Variants in GRM3 observed in about 807,000 individuals in gnomAD.
GRM3 encodes the protein glutamate metabotropic receptor 3, also known as metabotropic glutamate receptor 3.
GRM3 carries 26 observed loss-of-function variants against 70.5 expected under a neutral mutation model. The ratio of observed to expected loss-of-function variants is 0.37; its 90% CI spans 0.27 to 0.51. GRM3 has a LOEUF of 0.51. Among genes scored for constraint, GRM3 ranks in the 20% least tolerant of loss-of-function variants. GRM3 has a pLI of 0.93. For missense variants in GRM3, 859 were observed against 1,123.8 expected (o/e 0.76, Z 3.37); for synonymous variants, 443 against 434.9 (o/e 1.02, Z -0.23).
intron 3 of GRM3, among the ~76,000 whole-genome samples, chr7:86,835,959 C>G (rs997309954): frequency 6.6e-6 from 1 of 151,638 alleles, no homozygotes; most frequent in Non-Finnish European, 1.5e-5. Flanking sequence ...AGAAAACAAG[C>G]GAAAAATGTG....
chr7:86,752,015 A>G (rs1360648411), intron 1 of GRM3, among the ~76,000 whole-genome samples: 1 of 152,090 alleles, frequency 6.6e-6, no homozygotes, highest in Non-Finnish European at 1.5e-5. Flanking sequence ...TTAAATTTTC[A>G]TTGAAGTGTA....
intron 1 of GRM3, among the ~76,000 whole-genome samples, chr7:86,763,570 C>T (rs185755445): frequency 1.3e-5 from 2 of 152,252 alleles, no homozygotes; most frequent in Admixed American, 1.3e-4. Context: ...ACATGATCCT[C>T]ACAGCAAGGC....
chr7:86,779,967 C>G (rs909216766), intron 2 of GRM3, among the ~76,000 whole-genome samples: 1 of 152,118 alleles, frequency 6.6e-6, no homozygotes, highest in East Asian at 1.9e-4. Flanking sequence ...GGAAAAGACA[C>G]AAATACTAAT....
intron 3 of GRM3, among the ~76,000 whole-genome samples, chr7:86,800,326 A>G (rs1473847877): frequency 1.3e-5 from 2 of 152,178 alleles, no homozygotes; most frequent in Non-Finnish European, 2.9e-5. Context: ...ATTTAAAAAT[A>G]CCCTTTACAA....
chr7:86,777,846 G>A (rs989528720), intron 2 of GRM3, among the ~76,000 whole-genome samples: 2 of 152,114 alleles, frequency 1.3e-5, no homozygotes, highest in African/African-American at 4.8e-5. Flanking sequence ...CTGGGATTTT[G>A]TACAGCTAAT....
At chr7:86,754,402 G>C (rs1054744143) in intron 1 of GRM3, among the ~76,000 whole-genome samples, 2 of 152,072 alleles carry the variant, frequency 1.3e-5, no homozygotes, top group African/African-American at 4.8e-5. Context: ...TAATATATCA[G>C]ATGACTTGAT....
intron 1 of GRM3, among the ~76,000 whole-genome samples, chr7:86,685,168 G>A (rs115685150): frequency 0.013 from 2,040 of 152,252 alleles, 37 homozygotes; most frequent in African/African-American, 0.047. Flanking sequence ...ATAGAAAACA[G>A]TTAAAGATGT....
Position 86,786,520 on chromosome 7 carries a change from C to A in GRM3, c.728C>A (p.Thr243Lys). 1 of 1,614,142 alleles carries A rather than the reference C, an allele frequency of 6.2e-7. No individual in the cohort carries two copies. The highest frequency in any genetic ancestry group is 8.5e-7 in the Non-Finnish European group (1 of 1,180,056). Residue 243 changes from threonine to lysine, a missense_variant, in exon 3 of 6, where the codon ACG (threonine) becomes AAG (lysine). Physicochemically the swap from Thr to Lys is moderately conservative, Grantham distance 78 (BLOSUM62 -1). Transcript: ENST00000361669. This position sits in a 1 kb window ranked among gnomAD's most constrained non-coding sequence, Gnocchi z 6.0. The part of the protein sequence containing the change: ...EARLRNICIA[T>K]AEKVGRSNIR... ...CGCCTGCGCAACATCTGCATCGCTACGGCGGAGAAGGTGGGCCGCTCCAAC... is the reference window on the plus strand; with the variant it reads ...CGCCTGCGCAACATCTGCATCGCTAAGGCGGAGAAGGTGGGCCGCTCCAAC...
intron 1 of GRM3, among the ~76,000 whole-genome samples, chr7:86,685,303 T>A (rs906375678): frequency 4.6e-5 from 7 of 152,172 alleles, no homozygotes; most frequent in Non-Finnish European, 8.8e-5. Flanking sequence ...TTGTTTTTTT[T>A]AAAACTGCTG....
intron 1 of GRM3, among the ~76,000 whole-genome samples, chr7:86,739,563 T>C (rs1390767565): frequency 6.6e-6 from 1 of 152,202 alleles, no homozygotes; most frequent in Non-Finnish European, 1.5e-5. Context: ...CTCAGAATTG[T>C]TCCAGACCAG....
At chr7:86,697,905 C>T (rs1794855699) in intron 1 of GRM3, among the ~76,000 whole-genome samples, 1 of 152,076 alleles carries the variant, frequency 6.6e-6, no homozygotes, top group African/African-American at 2.4e-5. Context: ...ACTCTTTTAG[C>T]TACTTTATCT....
intron 3 of GRM3, among the ~76,000 whole-genome samples, chr7:86,794,658 C>A (rs1487232857): frequency 1.3e-5 from 2 of 152,186 alleles, no homozygotes; most frequent in African/African-American, 4.8e-5. Flanking sequence ...CTTCTTATCA[C>A]TTTATGTGAC....
At chr7:86,717,766 G>T (rs1584190275) in intron 1 of GRM3, among the ~76,000 whole-genome samples, 1 of 151,942 alleles carries the variant, frequency 6.6e-6, no homozygotes, top group East Asian at 1.9e-4. Flanking sequence ...GAAAAGATGG[G>T]CATCGAGGAA....
chr7:86,777,577 C>T (rs1053526188), intron 2 of GRM3, among the ~76,000 whole-genome samples: 2 of 152,110 alleles, frequency 1.3e-5, no homozygotes, highest in African/African-American at 2.4e-5. Flanking sequence ...CTTCATTATA[C>T]GATTTCTAAA....
chr7:86,794,690 G>C (rs575395736), intron 3 of GRM3, among the ~76,000 whole-genome samples: 24 of 152,244 alleles, frequency 1.6e-4, no homozygotes, highest in Admixed American at 4.6e-4. Flanking sequence ...AGGTTAGCTA[G>C]TCAGTCTATG....
At chr7:86,792,887 A>G (rs1289158878) in intron 3 of GRM3, among the ~76,000 whole-genome samples, 1 of 152,152 alleles carries the variant, frequency 6.6e-6, no homozygotes, top group Non-Finnish European at 1.5e-5. Flanking sequence ...CTTCACTTAT[A>G]TGTGAAGAGG....
chr7:86,710,580 AG>A (rs1323049120), intron 1 of GRM3, among the ~76,000 whole-genome samples: 1 of 5,896 alleles, frequency 1.7e-4, no homozygotes, highest in Non-Finnish European at 3.5e-4. Flanking sequence ...GGGTGGGGGG[AG>A]GGGGCGGGTG....
intron 4 of GRM3, among the ~76,000 whole-genome samples, chr7:86,841,245 TA>T (rs1330124616): frequency 6.6e-6 from 1 of 152,196 alleles, no homozygotes; most frequent in Admixed American, 6.5e-5. Flanking sequence ...CTATTCGCTG[TA>T]AATTATTCAC....
intron 3 of GRM3, among the ~76,000 whole-genome samples, chr7:86,823,222 T>C (rs993596179): frequency 6.6e-6 from 1 of 152,154 alleles, no homozygotes; most frequent in African/African-American, 2.4e-5. Flanking sequence ...GTTGTATATG[T>C]TTTGTAATGA....
Sources: allele counts gnomAD v4.1 joint callset (sites outside exome capture counted in the v4.1 genomes callset), GRCh38; gene constraint gnomAD v4.1.1; non-coding constraint Gnocchi (gnomAD v3.1); transcripts MANE v1.5; gene names NCBI Gene and HGNC (gene_info 2026-07-23, HGNC 2026-07-21).